Variants in ATG16L1 observed in about 807,000 individuals in gnomAD.
The protein encoded by ATG16L1 is autophagy related 16 like 1, also known as autophagy-related protein 16-1.
A neutral mutation model predicts 88.5 loss-of-function variants in ATG16L1; 37 were observed. The ratio of observed to expected loss-of-function variants is 0.42; its 90% CI spans 0.32 to 0.55. The LOEUF (loss-of-function observed/expected upper bound fraction) is 0.55, where lower values mean the gene tolerates loss of function less well. Among genes scored for constraint, ATG16L1 ranks in the 20% least tolerant of loss-of-function variants. The probability of loss-of-function intolerance (pLI) is 0.13; values close to 1 mark genes in which losing one functional copy is unlikely to be tolerated. For synonymous variants in ATG16L1, 301 were observed against 281.0 expected, an observed-to-expected ratio of 1.07 and a Z score of -0.71; for missense variants, 554 against 752.8, an observed-to-expected ratio of 0.74 and a Z score of 3.09.
chr2:233,273,235 G>A, intron 7 of ATG16L1, 183 bp downstream of exon 7: 1 of 579,864 alleles, frequency 1.7e-6, no homozygotes, highest in South Asian at 2.2e-5. Context: ...CTTAATGGGA[G>A]GGAAGCAGAA....
intron 2 of ATG16L1, among the ~76,000 whole-genome samples, chr2:233,258,535 G>T (rs895937680): frequency 6.6e-6 from 1 of 152,186 alleles, no homozygotes; most frequent in Non-Finnish European, 1.5e-5. Flanking sequence ...TTAATTTTAG[G>T]TGTAGATAAT....
intron 8 of ATG16L1, chr2:233,274,139 G>A (rs145165552): frequency 1.2e-5 from 15 of 1,280,478 alleles, no homozygotes; most frequent in Admixed American, 2.1e-5. Context: ...AGATGTTCAC[G>A]TGCTAACGAG....
Position 233,274,069 on chromosome 2 carries a change from G to C in ATG16L1, c.851+292G>C, listed in dbSNP as rs1197503148. ...GAAACTATTATCCTCTCTTAGTCCAGCATGTGAGTGTGGGTCCTTAACAAT... is the reference window on the plus strand; with the variant it reads ...GAAACTATTATCCTCTCTTAGTCCACCATGTGAGTGTGGGTCCTTAACAAT... On this transcript the variant is annotated intron_variant, in intron 8 of 17. Coordinates refer to ENST00000392017, the MANE Select transcript of ATG16L1 (RefSeq NM_030803.7). The C allele has an allele frequency of 3.9e-6, 6 of 1,542,254 alleles. No individual in the cohort carries two copies. The East Asian group carries it at 1.2e-4, about 31-fold the overall frequency.
intron 9 of ATG16L1, 85 bp from the exon 10 acceptor site, chr2:233,277,483 A>G (rs917361702): frequency 4.8e-6 from 6 of 1,258,992 alleles, no homozygotes; most frequent in East Asian, 2.4e-5. Context: ...GTGTTTCCCC[A>G]TGAATTAGGC....
chr2:233,269,490 CAT>C (rs1697834419), intron 5 of ATG16L1, among the ~76,000 whole-genome samples: 1 of 152,152 alleles, frequency 6.6e-6, no homozygotes. Context: ...TCCGATTTAC[CAT>C]TAATTTCAAC....
In ATG16L1 at chr2:233,294,271, C is replaced by T. The variant is rs1471623952; in HGVS notation, c.1745C>T (p.Ala582Val). ...CTCCTTTGAAGCTCATCCATCAATG[C>T]GGTGGCGTGGTCGCCCTCTGGCTCG... ...LSKQHSSSIN[A>V]VAWSPSGSHV... Residue 582 changes from alanine (A) to valine (V), a missense_variant, in exon 18 of 18, where the codon GCG becomes GTG. Physicochemically the swap from Ala to Val is moderately conservative, Grantham distance 64. This residue lies in a region of ATG16L1 where 370 missense variants were observed against 509.7 expected (regional missense o/e 0.73). Transcript: ENST00000392017. 1.2e-6 allele frequency: 2 copies of T among 1,606,282 alleles called. No homozygotes were observed. The highest frequency in any genetic ancestry group is 1.7e-6 in the Non-Finnish European group (2 of 1,176,612).
chr2:233,272,670 C>A (rs1216229101), intron 6 of ATG16L1, among the ~76,000 whole-genome samples: 2 of 152,224 alleles, frequency 1.3e-5, no homozygotes, highest in East Asian at 1.9e-4. Flanking sequence ...ATAGACTCAA[C>A]AGATCATATT....
chr2:233,280,730 A>G (rs1177530968), intron 10 of ATG16L1, among the ~76,000 whole-genome samples: 4 of 152,242 alleles, frequency 2.6e-5, no homozygotes, highest in Non-Finnish European at 5.9e-5. Flanking sequence ...ATATTTATGT[A>G]TGTAAGTTTT....
At chr2:233,252,467 C>CA (rs1421542381) in intron 1 of ATG16L1, among the ~76,000 whole-genome samples, 1 of 152,104 alleles carries the variant, frequency 6.6e-6, no homozygotes, top group Non-Finnish European at 1.5e-5. Flanking sequence ...ACTGCAGTCT[C>CA]AAACTCCCAG....
At position 233,294,552 on chromosome 2, in the gene ATG16L1, T is replaced by C; in HGVS notation, c.*202T>C. Reference sequence around the variant, plus strand: ...CTCTCTTGGCCTGGAAGAATAACACTGAAAAAACCTGACGCTGCGGTCACT... The same window carrying C: ...CTCTCTTGGCCTGGAAGAATAACACCGAAAAAACCTGACGCTGCGGTCACT... On this transcript the variant is annotated 3_prime_UTR_variant, in exon 18 of 18. Transcript: ENST00000392017. The C allele has an allele frequency of 4.5e-6, 2 of 443,880 alleles. No individual in the cohort carries two copies. The highest frequency in any genetic ancestry group is 8.1e-6 in the Non-Finnish European group (2 of 247,516). 27.5% of individuals were successfully genotyped at this position (443,880 alleles called of 1,614,324 possible). A position where few individuals can be genotyped will look rare whatever the true frequency, so the allele number is the denominator to read the frequency against.
At chr2:233,277,103 C>G (rs896918519) in intron 9 of ATG16L1, 1 of 154,144 alleles carries the variant, frequency 6.5e-6, no homozygotes, top group African/African-American at 2.4e-5. Flanking sequence ...TATTAGGACT[C>G]ATTGCGAAAG....
chr2:233,274,594 G>A (rs1032799332), intron 8 of ATG16L1, 82 bp from the exon 9 acceptor site: 37 of 1,049,312 alleles, frequency 3.5e-5, no homozygotes, highest in African/African-American at 1.7e-4. Flanking sequence ...AAGCAAGGTC[G>A]TCTTGGAGTC....
intron 12 of ATG16L1, among the ~76,000 whole-genome samples, chr2:233,285,108 TCTGTA>T (rs1369051621): frequency 2.6e-5 from 4 of 152,214 alleles, no homozygotes; most frequent in Admixed American, 2.6e-4. Context: ...GCCCTGTAGT[TCTGTA>T]CTGTACACAT....
intron 12 of ATG16L1, among the ~76,000 whole-genome samples, chr2:233,285,036 G>C (rs1432217833): frequency 6.6e-6 from 1 of 152,242 alleles, no homozygotes; most frequent in Admixed American, 6.5e-5. Context: ...CTAGGGAAGT[G>C]CACTGCTAGA....
At chr2:233,254,145 C>T (rs1433395439) in intron 1 of ATG16L1, among the ~76,000 whole-genome samples, 1 of 152,144 alleles carries the variant, frequency 6.6e-6, no homozygotes, top group Admixed American at 6.6e-5. Flanking sequence ...GAATGTTTTC[C>T]TGCACTTTGA....
chr2:233,267,538 A>G (rs1697691746), intron 5 of ATG16L1, among the ~76,000 whole-genome samples: 1 of 152,056 alleles, frequency 6.6e-6, no homozygotes. Flanking sequence ...ATGGTTTTTG[A>G]TTTCTCATTT....
In ATG16L1 at chr2:233,251,719, C is replaced by T. The variant is rs550191931; in HGVS notation, c.-109C>T. The T allele has an allele frequency of 9.6e-5, 94 of 974,230 alleles. No homozygotes were observed. The African/African-American group carries it at 1.3e-3, about 14-fold the overall frequency. The allele number at this position is 974,230 out of a possible 1,614,324, so 60.3% of individuals were successfully genotyped here. A position where few individuals can be genotyped will look rare whatever the true frequency, so the allele number is the denominator to read the frequency against. On this transcript the variant is annotated 5_prime_UTR_variant, in exon 1 of 18. Coordinates refer to ENST00000392017, the MANE Select transcript of ATG16L1 (RefSeq NM_030803.7). ...GGGACTGCCAGTGTGTGGAGGTGAG[C>T]TCCGGGATTGCCGGCATTCCCGCTT...
Position 233,251,870 on chromosome 2 carries a change from C to A in ATG16L1, c.43C>A (p.Arg15Ser), listed in dbSNP as rs1158657804. Residue 15 changes from arginine (R) to serine (S), a missense_variant, in exon 1 of 18, where the codon CGC (arginine) becomes AGC (serine). Arg to Ser is a moderately radical substitution (Grantham distance 110). Coordinates refer to ENST00000392017, the MANE Select transcript of ATG16L1 (RefSeq NM_030803.7). ...CGCCGCTGACTTCCCCCGCTGGAAG[C>A]GCCACATCTCGGAGCAACTGAGGCG... Reference protein sequence around the residue: ...LRAADFPRWKRHISEQLRRRD... With the variant: ...LRAADFPRWKSHISEQLRRRD... 6.4e-7 allele frequency: 1 copy of A among 1,550,620 alleles called. No homozygotes were observed. Among genetic ancestry groups the A allele is most frequent in the Non-Finnish European group, 8.7e-7 (1 of 1,147,328 alleles).
At chr2:233,259,037 G>C (rs925341860) in intron 2 of ATG16L1, among the ~76,000 whole-genome samples, 11 of 152,142 alleles carry the variant, frequency 7.2e-5, no homozygotes, top group Admixed American at 2.0e-4. Flanking sequence ...TATAAACCAG[G>C]TTCATTCAGC....
Sources: gnomAD v4.1 joint callset for allele counts (sites outside exome capture counted in the v4.1 genomes callset) on GRCh38, gnomAD v4.1.1 for gene constraint, gnomAD v4.1.1 regional missense constraint, MANE v1.5 for transcripts, NCBI Gene and HGNC (gene_info 2026-07-23, HGNC 2026-07-21) for gene names.